The following TMEM132C variants were observed in gnomAD, a reference collection of about 807,000 sequenced individuals.
TMEM132C encodes the protein transmembrane protein 132C, also known as protein phosphatase 1, regulatory subunit 152.
In TMEM132C, 29 loss-of-function variants were observed where a neutral mutation model predicts 61.4. The observed-to-expected ratio is 0.47, with a 90% CI of 0.35 to 0.64. The LOEUF is 0.64. Among genes scored for constraint, TMEM132C ranks in the 30% least tolerant of loss-of-function variants. The probability of loss-of-function intolerance (pLI) is 0.00; values close to 1 mark genes in which losing one functional copy is unlikely to be tolerated. For missense variants in TMEM132C, 1,408 were observed against 1,476.9 expected, an observed-to-expected ratio of 0.95 and a Z score of 0.76; for synonymous variants, 656 against 633.1, an observed-to-expected ratio of 1.04 and a Z score of -0.54.
chr12:128,646,073 G>A (rs1954195210), intron 4 of TMEM132C, among the ~76,000 whole-genome samples: 1 of 149,986 alleles, frequency 6.7e-6, no homozygotes, highest in African/African-American at 2.5e-5. Flanking sequence ...ATCAGCATTG[G>A]ATGAGTGTGT....
intron 2 of TMEM132C, among the ~76,000 whole-genome samples, chr12:128,421,958 AT>A (rs1475784082): frequency 1.1e-4 from 16 of 152,250 alleles, no homozygotes; most frequent in African/African-American, 3.9e-4. Flanking sequence ...CATTTATTGA[AT>A]AAATGCAAAA....
intron 2 of TMEM132C, among the ~76,000 whole-genome samples, chr12:128,529,808 G>C (rs1217287446): frequency 6.6e-6 from 1 of 152,068 alleles, no homozygotes; most frequent in Admixed American, 6.6e-5. Flanking sequence ...AAATAAAAGA[G>C]ATAGAAGAAT....
intron 2 of TMEM132C, among the ~76,000 whole-genome samples, chr12:128,534,017 G>T (rs1194145200): frequency 2.0e-5 from 3 of 151,524 alleles, no homozygotes; most frequent in African/African-American, 7.3e-5. Context: ...ACCCCAGCAG[G>T]CCTGAGAAGC....
At position 128,706,184 on chromosome 12, in the gene TMEM132C, C is replaced by T. The variant is rs543514113; in HGVS notation, c.3216C>T (p.Asn1072=). The T allele has an allele frequency of 2.6e-5, 40 of 1,551,698 alleles. No individual in the cohort carries two copies. The African/African-American group carries it at 4.5e-4, about 17-fold the overall frequency. ...IPPDDSCPTV[N]SIVSSNDEDI... ...CGGACGACAGCTGCCCCACGGTGAA[C>T]TCCATCGTCAGCAGCAATGATGAGG... The change falls in exon 9 of 9, where the codon AAC becomes AAT. Residue 1072 remains asparagine (N), a synonymous_variant. Transcript: ENST00000435159.
chr12:128,518,052 G>A (rs1334091448), intron 2 of TMEM132C, among the ~76,000 whole-genome samples: 3 of 152,212 alleles, frequency 2.0e-5, no homozygotes, highest in African/African-American at 7.2e-5. Flanking sequence ...CACCCTTAGG[G>A]GAAAGCATGG....
chr12:128,338,382 G>A (rs1200564893), intron 1 of TMEM132C, among the ~76,000 whole-genome samples: 1 of 152,120 alleles, frequency 6.6e-6, no homozygotes, highest in African/African-American at 2.4e-5. Flanking sequence ...AATCATCCAG[G>A]GAAGACCTTA....
intron 5 of TMEM132C, among the ~76,000 whole-genome samples, chr12:128,676,858 C>T (rs1034610994): frequency 2.0e-5 from 3 of 152,142 alleles, no homozygotes; most frequent in South Asian, 2.1e-4. Flanking sequence ...GGCCAGTGTG[C>T]GGTGTAAAAG....
At chr12:128,675,141 A>T (rs1954571132) in intron 5 of TMEM132C, among the ~76,000 whole-genome samples, 1 of 151,444 alleles carries the variant, frequency 6.6e-6, no homozygotes, top group Admixed American at 6.6e-5. Flanking sequence ...CCTCAATTTC[A>T]TTCAGCCAAC....
At chr12:128,697,712 G>A (rs1954776294) in intron 8 of TMEM132C, among the ~76,000 whole-genome samples, 1 of 152,158 alleles carries the variant, frequency 6.6e-6, no homozygotes, top group African/African-American at 2.4e-5. Context: ...GCCTTTTACT[G>A]GCTTAAAATG....
intron 2 of TMEM132C, among the ~76,000 whole-genome samples, chr12:128,425,079 C>T (rs893745206): frequency 2.6e-5 from 4 of 152,138 alleles, no homozygotes; most frequent in African/African-American, 7.2e-5. Context: ...AGGGAAGCTC[C>T]CAGGGGAGAG....
intron 4 of TMEM132C, among the ~76,000 whole-genome samples, chr12:128,638,298 C>T (rs1001750633): frequency 6.6e-6 from 1 of 152,280 alleles, no homozygotes; most frequent in Non-Finnish European, 1.5e-5. Flanking sequence ...CAGTATCCCC[C>T]AAAATAGGAT....
At chr12:128,300,124 CG>C (rs2135917306) in intron 1 of TMEM132C, among the ~76,000 whole-genome samples, 1 of 152,300 alleles carries the variant, frequency 6.6e-6, no homozygotes, top group Non-Finnish European at 1.5e-5. Context: ...TAGCCATAAG[CG>C]TAAGCCAAAG....
chr12:128,662,748 T>G (rs1954404733), intron 4 of TMEM132C, among the ~76,000 whole-genome samples: 1 of 152,202 alleles, frequency 6.6e-6, no homozygotes, highest in African/African-American at 2.4e-5. Context: ...CTTGGCTTTT[T>G]TTTTCCTTTT....
rs117790397 is a variant in TMEM132C, at chr12:128,651,515, T to C, written c.1306-17902T>C. On this transcript the variant is annotated intron_variant, in intron 4 of 8. Coordinates refer to ENST00000435159, the MANE Select transcript of TMEM132C (RefSeq NM_001136103.3). Reference sequence around the variant, plus strand: ...GATGTGCAAATGGTTTCTCCTTTTCTTTCATGCTCTATATGTTCATTAAGC... The same window carrying C: ...GATGTGCAAATGGTTTCTCCTTTTCCTTCATGCTCTATATGTTCATTAAGC... Among the ~76,000 whole-genome samples the C allele has an allele frequency of 4.6e-3, 698 of 152,360 alleles. 30 individuals are homozygous for C. The East Asian group carries it at 0.1, about 23-fold the overall frequency.
At chr12:128,487,603 GTA>G (rs35552118) in intron 2 of TMEM132C, among the ~76,000 whole-genome samples, 49,371 of 136,324 alleles carry the variant, frequency 0.36, 8,605 homozygotes, top group East Asian at 0.58. Flanking sequence ...GTGTGTGTGG[GTA>G]TATATATATA....
At chr12:128,649,549 G>A (rs1340667400) in intron 4 of TMEM132C, among the ~76,000 whole-genome samples, 1 of 152,206 alleles carries the variant, frequency 6.6e-6, no homozygotes, top group African/African-American at 2.4e-5. Context: ...TGCTGGAGCA[G>A]GCTCTGCCCT....
In TMEM132C at chr12:128,509,432, C is replaced by T. The variant is rs192532817; in HGVS notation, c.975-34525C>T. Among the ~76,000 whole-genome samples, 36 of 152,302 alleles carry T rather than the reference C, an allele frequency of 2.4e-4. 1 individual carries two copies. Among genetic ancestry groups the T allele is most frequent in the African/African-American group, 8.4e-4 (35 of 41,554 alleles). On this transcript the variant is annotated intron_variant, in intron 2 of 8. Coordinates refer to ENST00000435159, the MANE Select transcript of TMEM132C (RefSeq NM_001136103.3). ...ACATGTGAAAGCAGGGGTAGAGGAA[C>T]AGTCAACTATGCATTCTTAGTGTGC...
At chr12:128,309,769 G>A (rs1490846539) in intron 1 of TMEM132C, among the ~76,000 whole-genome samples, 6 of 148,116 alleles carry the variant, frequency 4.1e-5, no homozygotes, top group African/African-American at 7.5e-5. Flanking sequence ...GTCTCGCTGC[G>A]TCACCCAGGC....
At chr12:128,283,991 A>G (rs1380209110) in intron 1 of TMEM132C, among the ~76,000 whole-genome samples, 1 of 152,220 alleles carries the variant, frequency 6.6e-6, no homozygotes, top group Non-Finnish European at 1.5e-5. Context: ...CATGAACTCC[A>G]TTATATTATC....
Sources: gnomAD v4.1 joint callset for allele counts (sites outside exome capture counted in the v4.1 genomes callset) on GRCh38, gnomAD v4.1.1 for gene constraint, MANE v1.5 for transcripts, NCBI Gene and HGNC (gene_info 2026-07-23, HGNC 2026-07-21) for gene names.